The following WWOX variants were observed in gnomAD, a reference collection of about 807,000 sequenced individuals.
The protein encoded by WWOX is WW domain-containing oxidoreductase.
In WWOX, 69 loss-of-function variants were observed where a neutral mutation model predicts 46.2. The ratio of observed to expected loss-of-function variants is 1.49; its 90% confidence interval spans 1.23 to 1.82. The LOEUF (loss-of-function observed/expected upper bound fraction) is 1.82. Among genes scored for constraint, WWOX ranks in the 40% most tolerant of loss-of-function variants. The pLI, the probability that WWOX is intolerant of heterozygous loss-of-function variation, is 0.00. For synonymous variants in WWOX, 359 were observed against 202.6 expected, an observed-to-expected ratio of 1.77 and a Z score of -6.56; for missense variants, 919 against 542.6, an observed-to-expected ratio of 1.69 and a Z score of -6.89.
Position 78,807,856 on chromosome 16 carries a change from C to T in WWOX, c.1056+375104C>T, listed in dbSNP as rs74868092. 2.8e-3 allele frequency among the ~76,000 whole-genome samples: 433 copies of T among 152,328 alleles called. 3 individuals are homozygous for T. The highest frequency in any genetic ancestry group is 9.9e-3 in the African/African-American group (410 of 41,580). On this transcript the variant is annotated intron_variant, in intron 8 of 8. Coordinates refer to ENST00000566780, the MANE Select transcript of WWOX (RefSeq NM_016373.4). ...ATAACATTTGTAAAAATCACTTCTT[C>T]GGTTTCATTAACTAGCCTCATTTCA... is the stretch of plus-strand genomic sequence containing the variant.
intron 8 of WWOX, among the ~76,000 whole-genome samples, chr16:79,050,846 C>T (rs141438922): frequency 2.2e-3 from 333 of 152,302 alleles, no homozygotes; most frequent in Non-Finnish European, 3.7e-3. Flanking sequence ...TGTTAAACTT[C>T]TTGCACTGAG....
chr16:79,062,246 A>G (rs2048369498), intron 8 of WWOX, among the ~76,000 whole-genome samples: 2 of 152,188 alleles, frequency 1.3e-5, no homozygotes, highest in African/African-American at 2.4e-5. Context: ...CCATAATGGG[A>G]CATATCATTT....
At chr16:78,368,563 A>G (rs931993940) in intron 5 of WWOX, among the ~76,000 whole-genome samples, 5 of 152,192 alleles carry the variant, frequency 3.3e-5, no homozygotes, top group African/African-American at 1.2e-4. Flanking sequence ...CCAAGGAGAA[A>G]AAGGAAGCTG....
intron 4 of WWOX, among the ~76,000 whole-genome samples, chr16:78,162,694 A>G (rs1303192435): frequency 6.6e-6 from 1 of 151,920 alleles, no homozygotes; most frequent in Non-Finnish European, 1.5e-5. Context: ...TGCTTTTCTT[A>G]GTCTATTTCA....
chr16:78,882,442 A>T (rs2044362424), intron 8 of WWOX, among the ~76,000 whole-genome samples: 1 of 151,336 alleles, frequency 6.6e-6, no homozygotes, highest in Admixed American at 6.6e-5. Flanking sequence ...GCTCCACTAC[A>T]GCTGGAGAAG....
At position 79,212,416 on chromosome 16, in the gene WWOX, C is replaced by CT. The variant is rs1444073726; in HGVS notation, c.*621dup. ...AAAGTACTTGTCATAGACTCCTTTG[C>CT]TAATGCTATGCAAAAAATTCTTTAG... On this transcript the variant is annotated 3_prime_UTR_variant, in exon 9 of 9. Transcript: ENST00000566780. 1.3e-5 allele frequency: 5 copies of CT among 375,432 alleles called. 1 individual carries two copies. The highest frequency in any genetic ancestry group is 2.4e-5 in the Non-Finnish European group (5 of 209,992). 23.3% of individuals were successfully genotyped at this position (375,432 alleles called of 1,614,324 possible).
At chr16:78,679,838 T>C (rs370065468) in intron 8 of WWOX, among the ~76,000 whole-genome samples, 3 of 152,306 alleles carry the variant, frequency 2.0e-5, no homozygotes, top group African/African-American at 4.8e-5. Flanking sequence ...GTCAACTGTT[T>C]TAGGGGCCAT....
intron 8 of WWOX, among the ~76,000 whole-genome samples, chr16:79,015,841 T>A (rs1429137963): frequency 1.3e-5 from 2 of 152,118 alleles, no homozygotes; most frequent in Admixed American, 6.5e-5. Context: ...AACCCCCGCC[T>A]CCCGGGTTCA....
chr16:79,033,327 A>G (rs1028468636), intron 8 of WWOX, among the ~76,000 whole-genome samples: 3 of 148,600 alleles, frequency 2.0e-5, no homozygotes, highest in African/African-American at 4.9e-5. Context: ...TAGAGAGTCT[A>G]TTATATATAT....
intron 8 of WWOX, among the ~76,000 whole-genome samples, chr16:78,749,561 G>A (rs1432670472): frequency 6.6e-6 from 1 of 152,198 alleles, no homozygotes. Context: ...AGTAGTTTAA[G>A]GATGTATTTA....
At chr16:78,525,383 C>T (rs1340810124) in intron 8 of WWOX, 3 of 151,798 alleles carry the variant, frequency 2.0e-5, no homozygotes, top group Admixed American at 6.6e-5. Flanking sequence ...GACGGGGTTT[C>T]ACCATGCTAA....
chr16:78,436,011 C>T (rs1160245593), intron 8 of WWOX, among the ~76,000 whole-genome samples: 1 of 152,094 alleles, frequency 6.6e-6, no homozygotes, highest in African/African-American at 2.4e-5. Context: ...AATTTGATTC[C>T]ATGTTTGTTA....
chr16:78,315,877 G>A (rs964401949), intron 5 of WWOX, among the ~76,000 whole-genome samples: 2 of 152,042 alleles, frequency 1.3e-5, no homozygotes, highest in African/African-American at 4.8e-5. Context: ...AGCCACAGTA[G>A]ATGTATCTGT....
At chr16:78,931,365 C>G (rs1188585599) in intron 8 of WWOX, among the ~76,000 whole-genome samples, 3 of 152,266 alleles carry the variant, frequency 2.0e-5, no homozygotes, top group East Asian at 1.9e-4. Flanking sequence ...GGTACCTGCC[C>G]TGCTAAGGAA....
chr16:78,869,451 A>G (rs1418764590), intron 8 of WWOX, among the ~76,000 whole-genome samples: 1 of 152,224 alleles, frequency 6.6e-6, no homozygotes, highest in Non-Finnish European at 1.5e-5. Context: ...ACAAGTTTAT[A>G]CGCAAGAAGT....
chr16:78,670,296 G>C (rs926511069), intron 8 of WWOX, among the ~76,000 whole-genome samples: 5 of 152,126 alleles, frequency 3.3e-5, no homozygotes, highest in East Asian at 1.9e-4. Flanking sequence ...CTGTGCATCT[G>C]TCTTTTCCGA....
At chr16:78,560,049 T>C (rs1597266991) in intron 8 of WWOX, among the ~76,000 whole-genome samples, 1 of 152,378 alleles carries the variant, frequency 6.6e-6, no homozygotes, top group Non-Finnish European at 1.5e-5. Flanking sequence ...TTTTTTAGTG[T>C]ACTTTTGGTT....
At chr16:78,789,840 T>A (rs944401071) in intron 8 of WWOX, among the ~76,000 whole-genome samples, 8 of 152,168 alleles carry the variant, frequency 5.3e-5, no homozygotes, top group Admixed American at 1.3e-4. Flanking sequence ...ATATTTTCGT[T>A]AATTCCTGTG....
At chr16:78,322,208 A>G (rs2070258917) in intron 5 of WWOX, among the ~76,000 whole-genome samples, 1 of 152,088 alleles carries the variant, frequency 6.6e-6, no homozygotes, top group Non-Finnish European at 1.5e-5. Flanking sequence ...ATGAGCCAAA[A>G]TCCATCTGGA....
Sources: allele counts gnomAD v4.1 joint callset (sites outside exome capture counted in the v4.1 genomes callset), GRCh38; gene constraint gnomAD v4.1.1; transcripts MANE v1.5; gene names NCBI Gene and HGNC (gene_info 2026-07-23, HGNC 2026-07-21).